The following TTI1 variants were observed in gnomAD, a reference collection of about 807,000 sequenced individuals.
TTI1 encodes TELO2-interacting protein 1 homolog.
In TTI1, 52 loss-of-function variants were observed where a neutral mutation model predicts 85.4. The ratio of observed to expected loss-of-function variants is 0.61; its 90% CI spans 0.49 to 0.77. TTI1 has a LOEUF of 0.77. Among genes scored for constraint, TTI1 ranks in the 30% least tolerant of loss-of-function variants. The pLI is 0.00. For synonymous variants in TTI1, 512 were observed against 503.9 expected, an observed-to-expected ratio of 1.02 and a Z score of -0.22; for missense variants, 1,173 against 1,296.0, an observed-to-expected ratio of 0.91 and a Z score of 1.46.
chr20:37,988,339 C>T (rs976995589), intron 7 of TTI1, among the ~76,000 whole-genome samples: 2 of 152,204 alleles, frequency 1.3e-5, no homozygotes, highest in Admixed American at 6.5e-5. Context: ...TCATTACTCA[C>T]CCCACCCCAC....
chr20:37,988,054 CCTAA>C lies in TTI1; in HGVS notation c.3087-4419_3087-4416del, dbSNP rs763183257. The stretch of plus-strand genomic sequence containing the variant: ...TACTAAAGCCTGGTCCAGCCCAGGC[CCTAA>C]CTGAGGTGCTTGAGGCACAAAGAGA... On this transcript the variant is annotated intron_variant, in intron 7 of 7. Coordinates refer to ENST00000373447, the MANE Select transcript of TTI1 (RefSeq NM_001303457.2). Among the ~76,000 whole-genome samples, 105 of 152,278 alleles carry C rather than the reference CCTAA, an allele frequency of 6.9e-4. 1 individual carries two copies. Among genetic ancestry groups the C allele is most frequent in the Non-Finnish European group, 1.2e-3 (84 of 68,012 alleles).
intron 1 of TTI1, among the ~76,000 whole-genome samples, chr20:38,025,335 G>A (rs1165682526): frequency 6.6e-6 from 1 of 152,170 alleles, no homozygotes; most frequent in Non-Finnish European, 1.5e-5. Flanking sequence ...TTGGAAGGCT[G>A]TGGCTGGTAG....
Position 38,012,616 on chromosome 20 carries a change from G to A in TTI1, c.1201C>T (p.Leu401Phe). The A allele has an allele frequency of 6.2e-7, 1 of 1,614,220 alleles. No individual in the cohort carries two copies. Among genetic ancestry groups the A allele is most frequent in the Non-Finnish European group, 8.5e-7 (1 of 1,180,050 alleles). ...SQDDQGKFST[L>F]SLLLGYLKLL... ...TTCAGATAACCAAGTAACAAGGAAA[G>A]AGTAGAGAATTTGCCCTGGTCATCT... The change falls in exon 2 of 8, where the codon CTT becomes TTT. Residue 401 changes from leucine to phenylalanine, a missense_variant. Leu to Phe is a conservative substitution (Grantham distance 22). Coordinates refer to ENST00000373447, the MANE Select transcript of TTI1 (RefSeq NM_001303457.2).
chr20:37,983,813 G>C (rs548107385), intron 7 of TTI1, among the ~76,000 whole-genome samples, 174 bp from the exon 8 acceptor site: 3 of 152,196 alleles, frequency 2.0e-5, no homozygotes, highest in Non-Finnish European at 4.4e-5. Context: ...GGACCAGTAG[G>C]ATGGTCCCAA....
rs989264769 is a variant in TTI1 at position 38,011,694 on chromosome 20, T to C, written c.2123A>G (p.His708Arg). The stretch of plus-strand genomic sequence containing the variant: ...TGGGGTATGAGGATGCAGAGCCAGA[T>C]GACGCAGATTTAAAGAGATCCCATT... ...LVNGISLNLR[H>R]LALHPHTPKV... The change falls in exon 2 of 8, where the codon CAT becomes CGT. Residue 708 changes from histidine to arginine, a missense_variant. Transcript: ENST00000373447. The C allele has an allele frequency of 1.9e-6, 3 of 1,614,220 alleles. No individual in the cohort carries two copies. Among genetic ancestry groups the C allele is most frequent in the South Asian group, 2.2e-5 (2 of 91,082 alleles).
intron 1 of TTI1, among the ~76,000 whole-genome samples, chr20:38,016,448 T>C (rs2073683843): frequency 6.6e-6 from 1 of 152,160 alleles, no homozygotes; most frequent in Non-Finnish European, 1.5e-5. Flanking sequence ...AGGGTGGTGG[T>C]TCCTAAACTA....
intron 3 of TTI1, 130 bp from the exon 4 acceptor site, chr20:38,002,906 C>T (rs2073446654): frequency 6.5e-6 from 8 of 1,238,790 alleles, no homozygotes; most frequent in Non-Finnish European, 9.1e-6. Context: ...TGAGACACCT[C>T]CACTCAAGGG....
Position 37,983,385 on chromosome 20 carries a change from G to T in TTI1, c.*71C>A. 1 of 1,510,350 alleles carries T rather than the reference G, an allele frequency of 6.6e-7. No individual in the cohort carries two copies. The highest frequency in any genetic ancestry group is 8.9e-7 in the Non-Finnish European group (1 of 1,122,326). The allele number at this position is 1,510,350 out of a possible 1,614,324, so 93.6% of individuals were successfully genotyped here. A position where few individuals can be genotyped will look rare whatever the true frequency, so the allele number is the denominator to read the frequency against. On this transcript the variant is annotated 3_prime_UTR_variant, in exon 8 of 8. Transcript: ENST00000373447. Reference sequence around the variant, plus strand: ...CTGCCGCTGCCACCGCCTATGGCCGGGGTGGGGTCAGCCCAGCTTCTGGCT... The same window carrying T: ...CTGCCGCTGCCACCGCCTATGGCCGTGGTGGGGTCAGCCCAGCTTCTGGCT...
At chr20:37,994,877 A>G (rs990461728) in intron 7 of TTI1, among the ~76,000 whole-genome samples, 4 of 152,230 alleles carry the variant, frequency 2.6e-5, no homozygotes, top group African/African-American at 4.8e-5. Context: ...AGAGAACTAG[A>G]AATGAAAAGA....
At chr20:38,024,747 T>C (rs2073814884) in intron 1 of TTI1, among the ~76,000 whole-genome samples, 1 of 152,130 alleles carries the variant, frequency 6.6e-6, no homozygotes, top group African/African-American at 2.4e-5. Flanking sequence ...TGAGGCACCC[T>C]CAACACTCCT....
At chr20:38,014,343 A>T (rs1568625383) in intron 1 of TTI1, among the ~76,000 whole-genome samples, 4 of 152,238 alleles carry the variant, frequency 2.6e-5, no homozygotes, top group African/African-American at 9.6e-5. Context: ...TCCCGAAGTA[A>T]GATACAAAAT....
At chr20:38,005,542 A>T (rs1268686804) in intron 3 of TTI1, among the ~76,000 whole-genome samples, 1 of 152,210 alleles carries the variant, frequency 6.6e-6, no homozygotes, top group Non-Finnish European at 1.5e-5. Flanking sequence ...ATTCAACCTC[A>T]CTGGTAATCA....
chr20:38,002,729 C>G lies in TTI1; in HGVS notation c.2551G>C (p.Asp851His). Residue 851 changes from aspartate (D) to histidine (H), a missense_variant, in exon 4 of 8, where the codon GAT (aspartate) becomes CAT (histidine). Asp to His is a moderately conservative substitution (Grantham distance 81). Transcript: ENST00000373447. Reference protein sequence around the residue: ...PKVDENDTRPDVEPPLPLQIQ... With the variant: ...PKVDENDTRPHVEPPLPLQIQ... ...TGCAATGGCAGTGGTGGCTCCACAT[C>G]TGGACGGGTGTCATTCTCATCCACT... 1 of 1,614,266 alleles carries G rather than the reference C, an allele frequency of 6.2e-7. No homozygotes were observed. The highest frequency in any genetic ancestry group is 8.5e-7 in the Non-Finnish European group (1 of 1,180,062).
intron 7 of TTI1, among the ~76,000 whole-genome samples, chr20:37,992,380 G>A (rs2073277136): frequency 6.6e-6 from 1 of 152,040 alleles, no homozygotes; most frequent in African/African-American, 2.4e-5. Context: ...AGGCTCAGGT[G>A]ATCCTCCTGC....
At chr20:37,983,935 T>A (rs554788924) in intron 7 of TTI1, among the ~76,000 whole-genome samples, 1 of 152,032 alleles carries the variant, frequency 6.6e-6, no homozygotes, top group Non-Finnish European at 1.5e-5. Context: ...AAGAAAGAGG[T>A]TGAGTTCCAG....
At chr20:38,027,626 G>A (rs1034782033) in intron 1 of TTI1, among the ~76,000 whole-genome samples, 37 of 152,124 alleles carry the variant, frequency 2.4e-4, no homozygotes, top group Admixed American at 2.3e-3. Context: ...AAAAGAAAAC[G>A]TTATTAAGAA....
At chr20:38,014,643 A>G (rs1274789907) in intron 1 of TTI1, among the ~76,000 whole-genome samples, 1 of 152,204 alleles carries the variant, frequency 6.6e-6, no homozygotes, top group East Asian at 1.9e-4. Context: ...ACTATCACAG[A>G]ACACACAGGA....
At chr20:38,019,901 A>T (rs2073738837) in intron 1 of TTI1, among the ~76,000 whole-genome samples, 1 of 152,206 alleles carries the variant, frequency 6.6e-6, no homozygotes, top group Non-Finnish European at 1.5e-5. Context: ...AAATGTCTCC[A>T]GACATTGCTA....
chr20:37,987,597 A>T (rs2073208883), intron 7 of TTI1, among the ~76,000 whole-genome samples: 1 of 152,216 alleles, frequency 6.6e-6, no homozygotes, highest in African/African-American at 2.4e-5. Context: ...CAGCTGTGCC[A>T]CATGCCTCCG....
Sources: gnomAD v4.1 joint callset for allele counts (sites outside exome capture counted in the v4.1 genomes callset) on GRCh38, gnomAD v4.1.1 for gene constraint, MANE v1.5 for transcripts, NCBI Gene and HGNC (gene_info 2026-07-23, HGNC 2026-07-21) for gene names.